Variants in CDC25C observed in about 807,000 individuals in gnomAD.
The protein encoded by CDC25C is M-phase inducer phosphatase 3.
CDC25C carries 48 observed loss-of-function variants against 52.5 expected under a neutral mutation model. The observed-to-expected ratio is 0.91, with a 90% confidence interval of 0.72 to 1.16. The LOEUF (loss-of-function observed/expected upper bound fraction) is 1.16. Ranked by LOEUF, CDC25C falls within the 50% of genes most tolerant of loss-of-function variation. The probability of loss-of-function intolerance (pLI) is 0.00; values close to 1 mark genes in which losing one functional copy is unlikely to be tolerated. For synonymous variants in CDC25C, 187 were observed against 206.5 expected (o/e 0.91, Z 0.81); for missense variants, 510 against 566.1 (o/e 0.90, Z 1.01).
chr5:138,314,986 G>A (rs185556177), intron 7 of CDC25C, among the ~76,000 whole-genome samples: 2,184 of 147,564 alleles, frequency 0.015, 20 homozygotes, highest in Admixed American at 0.027. Flanking sequence ...GGAGTACAGC[G>A]GTGCGATCTC....
At chr5:138,320,907 C>A (rs182289444) in intron 6 of CDC25C, among the ~76,000 whole-genome samples, 51 of 99,668 alleles carry the variant, frequency 5.1e-4, no homozygotes, top group African/African-American at 2.0e-3. Context: ...CAGAGTGAGA[C>A]TCTGTCTCAA....
At position 138,324,497 on chromosome 5, in the gene CDC25C, C is replaced by T. The variant is rs568456817; in HGVS notation, c.459+1318G>A. Among the ~76,000 whole-genome samples the T allele has an allele frequency of 7.9e-5, 12 of 151,792 alleles. No homozygotes were observed. In the East Asian group the frequency reaches 1.7e-3, roughly 22 times the overall value. On this transcript the variant is annotated intron_variant, in intron 6 of 13. Transcript: ENST00000323760. ...TGATGCTGTCGGGCATGGTGGCTCA[C>T]GGCTGTAATCCCAGCACTTTGGGGG... is the stretch of plus-strand genomic sequence containing the variant.
intron 4 of CDC25C, among the ~76,000 whole-genome samples, chr5:138,327,190 G>T (rs1580816573): frequency 6.6e-6 from 1 of 151,686 alleles, no homozygotes; most frequent in African/African-American, 2.4e-5. Flanking sequence ...GGGAGGCGGA[G>T]GTTGTAGTGA....
chr5:138,319,405 A>T lies in CDC25C; in HGVS notation c.460-31T>A, dbSNP rs748889167. 4 of 1,532,906 alleles carry T rather than the reference A, an allele frequency of 2.6e-6. No individual in the cohort carries two copies. In the Admixed American group the frequency reaches 7.8e-5, roughly 30 times the overall value. The allele number at this position is 1,532,906 out of a possible 1,614,324, so 95.0% of individuals were successfully genotyped here. A position where few individuals can be genotyped will look rare whatever the true frequency, so the allele number is the denominator to read the frequency against. On this transcript the variant is annotated intron_variant, in intron 6 of 13. Transcript: ENST00000323760. The stretch of plus-strand genomic sequence containing the variant: ...AAGTATATTGACAACATTAAAAACT[A>T]TTCAAAATATATCAAAGTTCTAAAT...
intron 7 of CDC25C, among the ~76,000 whole-genome samples, chr5:138,312,320 T>C (rs1285058312): frequency 6.6e-6 from 1 of 152,126 alleles, no homozygotes; most frequent in Non-Finnish European, 1.5e-5. Flanking sequence ...CAGTGAGCCA[T>C]GATCACATCA....
In CDC25C at chr5:138,285,412, A is replaced by G. The variant is rs1756125275; in HGVS notation, c.*280T>C. 2.7e-6 allele frequency: 1 copy of G among 365,726 alleles called. No homozygotes were observed. Among genetic ancestry groups the G allele is most frequent in the Non-Finnish European group, 5.0e-6 (1 of 201,992 alleles). 22.7% of individuals were successfully genotyped at this position (365,726 alleles called of 1,614,324 possible). A position where few individuals can be genotyped will look rare whatever the true frequency, so the allele number is the denominator to read the frequency against. On this transcript the variant is annotated 3_prime_UTR_variant, in exon 14 of 14. Transcript: ENST00000323760. ...AGAGTTGGCTGGCTTGTGAGAAGAC[A>G]TGAGGAGTTGGGAAAAGGAATGCCA... is the stretch of plus-strand genomic sequence containing the variant.
At chr5:138,295,244 A>G (rs1757084665) in intron 7 of CDC25C, among the ~76,000 whole-genome samples, 1 of 152,224 alleles carries the variant, frequency 6.6e-6, no homozygotes, top group Non-Finnish European at 1.5e-5. Flanking sequence ...AAGGTGATTA[A>G]CATCTGCATA....
intron 10 of CDC25C, among the ~76,000 whole-genome samples, chr5:138,288,752 G>C (rs561406700): frequency 6.6e-6 from 1 of 152,150 alleles, no homozygotes; most frequent in Non-Finnish European, 1.5e-5. Flanking sequence ...TATCTCTGGT[G>C]ATGAGATTGT....
chr5:138,333,604 T>G (rs1181492780), upstream of CDC25C: 1 of 152,186 alleles, frequency 6.6e-6, no homozygotes, highest in Non-Finnish European at 1.5e-5. Flanking sequence ...TACAGTATAA[T>G]CACACTTTGT....
intron 7 of CDC25C, among the ~76,000 whole-genome samples, chr5:138,302,712 T>G (rs1183161187): frequency 6.8e-6 from 1 of 146,700 alleles, no homozygotes; most frequent in African/African-American, 2.5e-5. Flanking sequence ...AAAAAAAAAG[T>G]AATTCATCAT....
chr5:138,305,938 C>T (rs1266617702), intron 7 of CDC25C, among the ~76,000 whole-genome samples: 1 of 152,110 alleles, frequency 6.6e-6, no homozygotes, highest in Admixed American at 6.6e-5. Context: ...ATGGTGGCTG[C>T]ATCACAGTAG....
intron 7 of CDC25C, among the ~76,000 whole-genome samples, chr5:138,305,028 A>T (rs965648689): frequency 1.1e-4 from 16 of 152,082 alleles, no homozygotes; most frequent in African/African-American, 3.9e-4. Context: ...CACTCCTCTC[A>T]TTCACTGACT....
At chr5:138,324,037 G>T (rs1050024820) in intron 6 of CDC25C, among the ~76,000 whole-genome samples, 1 of 151,402 alleles carries the variant, frequency 6.6e-6, no homozygotes, top group Non-Finnish European at 1.5e-5. Flanking sequence ...TTGGGAGGCT[G>T]AGGCAAGTGG....
intron 6 of CDC25C, 109 bp downstream of exon 6, chr5:138,325,706 C>T (rs1356584874): frequency 5.2e-6 from 4 of 764,672 alleles, no homozygotes; most frequent in Non-Finnish European, 8.5e-6. Context: ...ATACAGTTTC[C>T]TTGTCTAGCA....
At position 138,313,963 on chromosome 5, in the gene CDC25C, T is replaced by TTTCTTTCTTTC. The variant is rs1650610998; in HGVS notation, c.615+5255_615+5256insGAAAGAAAGAA. Among the ~76,000 whole-genome samples, 8 of 106,394 alleles carry TTTCTTTCTTTC rather than the reference T, an allele frequency of 7.5e-5. 1 individual carries two copies. The highest frequency in any genetic ancestry group is 4.9e-4 in the Admixed American group (4 of 8,156). 69.8% of individuals were successfully genotyped at this position (106,394 alleles called of 152,430 possible). ...TATCCTCCCAAACACCTATGTCCCTTTTTCTTTCTTTCTTTCTTTCTTTCT... is the reference window on the plus strand; with the variant it reads ...TATCCTCCCAAACACCTATGTCCCTTTTCTTTCTTTCTTTCTTTCTTTCTTTCTTTCTTTCT... On this transcript the variant is annotated intron_variant, in intron 7 of 13. Coordinates refer to ENST00000323760, the MANE Select transcript of CDC25C (RefSeq NM_001790.5).
In CDC25C at chr5:138,307,202, T is replaced by C. The variant is rs112042767; in HGVS notation, c.615+12017A>G. On this transcript the variant is annotated intron_variant, in intron 7 of 13. Transcript: ENST00000323760. ...ATGCATATTCTTATAGGATGGGCCA[T>C]CAATCAAAAATGACTTTATGGCCAT... 1.2e-3 allele frequency among the ~76,000 whole-genome samples: 187 copies of C among 151,870 alleles called. 3 individuals carry two copies. Among genetic ancestry groups the C allele is most frequent in the African/African-American group, 4.2e-3 (176 of 41,460 alleles).
At position 138,331,208 on chromosome 5, in the gene CDC25C, A is replaced by G; in HGVS notation, c.-28T>C. 4.3e-6 allele frequency: 7 copies of G among 1,609,684 alleles called. No individual in the cohort carries two copies. Among genetic ancestry groups the G allele is most frequent in the Non-Finnish European group, 6.0e-6 (7 of 1,176,310 alleles). ...TCTTCGAATTCTCACCAGGAGAAAA[A>G]CAAAACCTAGCTAGGAGGAAAACGT... On this transcript the variant is annotated 5_prime_UTR_variant, in exon 2 of 14. Coordinates refer to ENST00000323760, the MANE Select transcript of CDC25C (RefSeq NM_001790.5).
chr5:138,316,371 A>T (rs1758872442), intron 7 of CDC25C, among the ~76,000 whole-genome samples: 1 of 152,174 alleles, frequency 6.6e-6, no homozygotes, highest in Non-Finnish European at 1.5e-5. Context: ...GGCACGGAGA[A>T]GCAAAAGAGG....
At chr5:138,308,585 T>G (rs907481605) in intron 7 of CDC25C, among the ~76,000 whole-genome samples, 9 of 152,250 alleles carry the variant, frequency 5.9e-5, no homozygotes, top group Admixed American at 3.9e-4. Context: ...AACTCACTGT[T>G]TTTCTATAGA....
Sources: gnomAD v4.1 joint callset for allele counts (sites outside exome capture counted in the v4.1 genomes callset) on GRCh38, gnomAD v4.1.1 for gene constraint, MANE v1.5 for transcripts, NCBI Gene and HGNC (gene_info 2026-07-23, HGNC 2026-07-21) for gene names.